COL11A1: variants seen among roughly 807,000 people sequenced by gnomAD.
COL11A1 encodes the protein collagen type XI alpha 1 chain.
A neutral mutation model predicts 265.2 loss-of-function variants in COL11A1; 74 were observed. The ratio of observed to expected loss-of-function variants is 0.28; its 90% CI spans 0.23 to 0.34. The LOEUF (loss-of-function observed/expected upper bound fraction) is 0.34. COL11A1 is among the 10% of genes least tolerant of loss of function. COL11A1 has a pLI of 1.00. For missense variants in COL11A1, 2,165 were observed against 2,263.6 expected (o/e 0.96, Z 0.88); for synonymous variants, 816 against 727.6 (o/e 1.12, Z -1.96).
chr1:103,034,545 A>G (rs1668216374), intron 4 of COL11A1, among the ~76,000 whole-genome samples: 2 of 152,072 alleles, frequency 1.3e-5, no homozygotes, highest in Admixed American at 1.3e-4. Context: ...TTTTAGTAGT[A>G]TATATCTTTA....
At chr1:103,050,960 A>C (rs934105499) in intron 4 of COL11A1, among the ~76,000 whole-genome samples, 1 of 152,070 alleles carries the variant, frequency 6.6e-6, no homozygotes, top group Non-Finnish European at 1.5e-5. Flanking sequence ...GTTCCTCTGG[A>C]AGTTTTGTCT....
chr1:102,994,388 T>C (rs72683293), intron 28 of COL11A1, among the ~76,000 whole-genome samples: 13,563 of 151,854 alleles, frequency 0.089, 746 homozygotes, highest in Non-Finnish European at 0.11. Context: ...TCTCAGGAGA[T>C]TTGATTGTTT....
chr1:102,909,130 G>T (rs903686407), intron 54 of COL11A1, among the ~76,000 whole-genome samples: 1 of 152,160 alleles, frequency 6.6e-6, no homozygotes, highest in African/African-American at 2.4e-5. Flanking sequence ...GAGTCATGGG[G>T]ATGGATTTCT....
Position 102,881,697 on chromosome 1 carries a change from C to T in COL11A1, c.5040G>A (p.Leu1680=). ...SWFSEFKRGK[L]LSYLDVEGNS... ...GTTTCATGTTGAGGTAATAACATAC[C>T]AGTTTTCCCCTCTTAAATTCACTAA... The change falls in exon 65 of 67, where the codon CTG becomes CTA. Residue 1680 remains leucine (L), a splice_region_variant and synonymous_variant. Coordinates refer to ENST00000370096, the MANE Select transcript of COL11A1 (RefSeq NM_001854.4). The T allele has an allele frequency of 6.2e-7, 1 of 1,610,026 alleles. No homozygotes were observed. Among genetic ancestry groups the T allele is most frequent in the South Asian group, 1.1e-5 (1 of 90,968 alleles).
intron 9 of COL11A1, among the ~76,000 whole-genome samples, chr1:103,021,065 G>C (rs1176706295): frequency 2.0e-5 from 3 of 147,444 alleles, no homozygotes; most frequent in South Asian, 4.3e-4. Context: ...AATGATTTTC[G>C]TGTTGTTCTA....
At chr1:103,038,643 T>G (rs1668566160) in intron 4 of COL11A1, among the ~76,000 whole-genome samples, 1 of 152,142 alleles carries the variant, frequency 6.6e-6, no homozygotes, top group African/African-American at 2.4e-5. Flanking sequence ...AAAGATGTCA[T>G]TTGAGTGTCA....
chr1:102,897,704 A>G (rs975335301), intron 57 of COL11A1, among the ~76,000 whole-genome samples: 3 of 152,090 alleles, frequency 2.0e-5, no homozygotes, highest in African/African-American at 7.2e-5. Context: ...TTACTGTTTT[A>G]TGTTTCAGCC....
At chr1:102,945,212 G>C (rs575140017) in intron 42 of COL11A1, among the ~76,000 whole-genome samples, 1 of 147,258 alleles carries the variant, frequency 6.8e-6, no homozygotes, top group Non-Finnish European at 1.5e-5. Flanking sequence ...TGCATTAGTG[G>C]GTTCATTAAA....
chr1:103,005,937 T>G, intron 17 of COL11A1, 46 bp from the exon 18 acceptor site: 1 of 1,610,702 alleles, frequency 6.2e-7, no homozygotes, highest in African/African-American at 1.3e-5. Flanking sequence ...TCATCACAAT[T>G]CCAGTCTAGA....
At chr1:102,896,689 T>A (rs1383016913) in intron 57 of COL11A1, among the ~76,000 whole-genome samples, 1 of 152,140 alleles carries the variant, frequency 6.6e-6, no homozygotes, top group Non-Finnish European at 1.5e-5. Context: ...AAGACAAAAA[T>A]ACAAAAGTTT....
chr1:102,925,967 T>C (rs1442555871), intron 46 of COL11A1, among the ~76,000 whole-genome samples: 1 of 152,084 alleles, frequency 6.6e-6, no homozygotes, highest in East Asian at 1.9e-4. Context: ...AAAAGGTATG[T>C]CAATATTAAT....
intron 4 of COL11A1, among the ~76,000 whole-genome samples, chr1:103,049,036 G>A (rs1314226969): frequency 6.6e-6 from 1 of 152,284 alleles, no homozygotes; most frequent in South Asian, 2.1e-4. Flanking sequence ...GTCAATTTTG[G>A]AATAGGTGTG....
chr1:103,056,773 A>G (rs1670283508), intron 4 of COL11A1, among the ~76,000 whole-genome samples: 3 of 152,128 alleles, frequency 2.0e-5, no homozygotes, highest in Non-Finnish European at 4.4e-5. Context: ...GATTTTTTTC[A>G]GTTTCTCAGT....
chr1:103,041,633 T>A (rs1668815563), intron 4 of COL11A1, among the ~76,000 whole-genome samples: 1 of 151,936 alleles, frequency 6.6e-6, no homozygotes, highest in South Asian at 2.1e-4. Flanking sequence ...TTATAAAGTA[T>A]GTAATTCGGA....
chr1:103,044,557 C>T (rs2102072426), intron 4 of COL11A1, among the ~76,000 whole-genome samples: 1 of 152,112 alleles, frequency 6.6e-6, no homozygotes, highest in South Asian at 2.1e-4. Context: ...CAATGTTAAA[C>T]AAGGATTCTT....
intron 1 of COL11A1, among the ~76,000 whole-genome samples, chr1:103,092,135 A>C (rs1239135288): frequency 6.6e-6 from 1 of 152,130 alleles, no homozygotes; most frequent in African/African-American, 2.4e-5. Context: ...TTGTATCAGC[A>C]TCCCATTGTT....
intron 20 of COL11A1, among the ~76,000 whole-genome samples, chr1:103,004,085 C>T (rs1665378360): frequency 6.6e-6 from 1 of 152,048 alleles, no homozygotes; most frequent in African/African-American, 2.4e-5. Context: ...TTCCAAGTGA[C>T]ATATTATTTT....
intron 46 of COL11A1, among the ~76,000 whole-genome samples, chr1:102,931,779 T>G: frequency 6.6e-6 from 1 of 151,986 alleles, no homozygotes. Context: ...GGTGCTCCTG[T>G]ATTGGGTGCA....
At chr1:102,947,558 T>C (rs976566202) in intron 41 of COL11A1, among the ~76,000 whole-genome samples, 3 of 152,270 alleles carry the variant, frequency 2.0e-5, no homozygotes, top group Admixed American at 1.3e-4. Flanking sequence ...ATAGGACCAC[T>C]GGGTCTTATG....
Sources: allele counts gnomAD v4.1 joint callset (sites outside exome capture counted in the v4.1 genomes callset), GRCh38; gene constraint gnomAD v4.1.1; transcripts MANE v1.5; gene names NCBI Gene and HGNC (gene_info 2026-07-23, HGNC 2026-07-21).